Variants in DYNC1I1 observed in about 807,000 individuals in gnomAD.
DYNC1I1 encodes cytoplasmic dynein 1 intermediate chain 1.
A neutral mutation model predicts 86.6 loss-of-function variants in DYNC1I1; 43 were observed. That is an observed-to-expected ratio of 0.50 (90% confidence interval 0.39 to 0.64). DYNC1I1 has a LOEUF of 0.64. DYNC1I1 is among the 30% of genes least tolerant of loss of function. The pLI, the probability that DYNC1I1 is intolerant of heterozygous loss-of-function variation, is 0.00. For synonymous variants in DYNC1I1, 262 were observed against 283.7 expected (o/e 0.92, Z 0.77); for missense variants, 604 against 788.8 (o/e 0.77, Z 2.81).
intron 6 of DYNC1I1, among the ~76,000 whole-genome samples, chr7:95,888,306 G>A (rs1345062563): frequency 6.6e-6 from 1 of 151,970 alleles, no homozygotes; most frequent in Non-Finnish European, 1.5e-5. Flanking sequence ...ACGTGGTAGT[G>A]CACGCCTGTA....
At chr7:96,001,629 T>G (rs540729012) in intron 10 of DYNC1I1, among the ~76,000 whole-genome samples, 18 of 152,306 alleles carry the variant, frequency 1.2e-4, no homozygotes, top group Non-Finnish European at 2.5e-4. Flanking sequence ...ACACATAATG[T>G]AATCTGTGAG....
chr7:95,814,640 G>A (rs748031128), intron 4 of DYNC1I1, among the ~76,000 whole-genome samples: 3 of 152,114 alleles, frequency 2.0e-5, no homozygotes, highest in South Asian at 2.1e-4. Flanking sequence ...ATAATCTAGC[G>A]TTGATCTGAG....
At chr7:95,843,201 T>G (rs1360087726) in intron 5 of DYNC1I1, among the ~76,000 whole-genome samples, 1 of 152,232 alleles carries the variant, frequency 6.6e-6, no homozygotes, top group Non-Finnish European at 1.5e-5. Context: ...CATTCTTTCC[T>G]TGGCCTCAGG....
intron 10 of DYNC1I1, among the ~76,000 whole-genome samples, chr7:96,017,275 A>G (rs1032382511): frequency 6.6e-6 from 1 of 152,194 alleles, no homozygotes; most frequent in Non-Finnish European, 1.5e-5. Flanking sequence ...AAAGGCAACC[A>G]TATATTCATC....
intron 6 of DYNC1I1, among the ~76,000 whole-genome samples, chr7:95,888,169 G>A (rs1268299652): frequency 6.6e-6 from 1 of 152,172 alleles, no homozygotes; most frequent in Non-Finnish European, 1.5e-5. Context: ...AGGAGTGGCG[G>A]CTCACACCTG....
intron 10 of DYNC1I1, among the ~76,000 whole-genome samples, chr7:96,021,392 G>A (rs1195591636): frequency 6.6e-6 from 1 of 152,028 alleles, no homozygotes; most frequent in African/African-American, 2.4e-5. Flanking sequence ...AAGGAAAGAG[G>A]GAGAAATAGT....
chr7:95,944,969 C>T (rs1252467950), intron 6 of DYNC1I1, among the ~76,000 whole-genome samples: 3 of 151,088 alleles, frequency 2.0e-5, no homozygotes, highest in African/African-American at 4.9e-5. Flanking sequence ...CACATGTATA[C>T]ATATGTAACT....
chr7:96,104,884 A>T (rs1372211612), intron 16 of DYNC1I1, among the ~76,000 whole-genome samples: 1 of 152,076 alleles, frequency 6.6e-6, no homozygotes, highest in Non-Finnish European at 1.5e-5. Context: ...TGAATTTTAG[A>T]ATGATTGTGG....
chr7:96,089,526 A>G (rs1790778340), intron 16 of DYNC1I1, among the ~76,000 whole-genome samples: 1 of 152,154 alleles, frequency 6.6e-6, no homozygotes, highest in Non-Finnish European at 1.5e-5. Context: ...GGATATTTAG[A>G]AAATATCTTT....
chr7:95,826,125 G>T (rs1291002456), intron 4 of DYNC1I1, among the ~76,000 whole-genome samples: 1 of 152,200 alleles, frequency 6.6e-6, no homozygotes, highest in Non-Finnish European at 1.5e-5. Context: ...CACCTACTAA[G>T]TCAGACTGCA....
chr7:95,875,391 G>A (rs954018306), intron 6 of DYNC1I1, among the ~76,000 whole-genome samples: 11 of 152,306 alleles, frequency 7.2e-5, no homozygotes, highest in South Asian at 6.2e-4. Flanking sequence ...CAGAGGTGCC[G>A]AGAGAATGCA....
chr7:95,778,700 T>G (rs1793909118), intron 1 of DYNC1I1, among the ~76,000 whole-genome samples: 1 of 152,186 alleles, frequency 6.6e-6, no homozygotes, highest in Non-Finnish European at 1.5e-5. Flanking sequence ...CTTACTCTGT[T>G]GCTTAGGCTG....
chr7:96,071,300 C>G (rs182869714), intron 14 of DYNC1I1, among the ~76,000 whole-genome samples: 1 of 152,170 alleles, frequency 6.6e-6, no homozygotes, highest in Non-Finnish European at 1.5e-5. Context: ...CCATTCTATC[C>G]TTACCACAGG....
At chr7:96,010,622 G>A (rs1008602434) in intron 10 of DYNC1I1, among the ~76,000 whole-genome samples, 25 of 152,188 alleles carry the variant, frequency 1.6e-4, no homozygotes, top group Admixed American at 1.6e-3. Context: ...CTTTTTGGGG[G>A]TGGAGAGAAA....
chr7:95,776,550 C>T (rs978028183), intron 1 of DYNC1I1, among the ~76,000 whole-genome samples: 1 of 152,150 alleles, frequency 6.6e-6, no homozygotes, highest in Non-Finnish European at 1.5e-5. Context: ...ACTAAAAATA[C>T]AGGAAGAATC....
chr7:96,013,860 C>T (rs1794339004), intron 10 of DYNC1I1, among the ~76,000 whole-genome samples: 1 of 152,142 alleles, frequency 6.6e-6, no homozygotes, highest in East Asian at 1.9e-4. Flanking sequence ...CTGAGGCTTC[C>T]AACTCCAAAG....
At chr7:95,911,083 C>G (rs756781256) in intron 6 of DYNC1I1, among the ~76,000 whole-genome samples, 64 of 152,266 alleles carry the variant, frequency 4.2e-4, no homozygotes, top group Admixed American at 2.3e-3. Context: ...CATTCTCACT[C>G]AAGTGTGGGG....
At chr7:95,894,533 T>A (rs1790827821) in intron 6 of DYNC1I1, among the ~76,000 whole-genome samples, 1 of 152,164 alleles carries the variant, frequency 6.6e-6, no homozygotes, top group Non-Finnish European at 1.5e-5. Flanking sequence ...TATCTTCTTT[T>A]CAAACTTAGG....
At chr7:96,025,353 CATGTA>C (rs1290881016) in intron 10 of DYNC1I1, among the ~76,000 whole-genome samples, 1 of 151,362 alleles carries the variant, frequency 6.6e-6, no homozygotes, top group Non-Finnish European at 1.5e-5. Context: ...ATACATATAA[CATGTA>C]ATTAATATGT....
Sources: gnomAD v4.1 joint callset for allele counts (sites outside exome capture counted in the v4.1 genomes callset) on GRCh38, gnomAD v4.1.1 for gene constraint, MANE v1.5 for transcripts, NCBI Gene and HGNC (gene_info 2026-07-23, HGNC 2026-07-21) for gene names.